The following SPTLC1 variants were observed in gnomAD, a reference collection of about 807,000 sequenced individuals.
The protein encoded by SPTLC1 is serine palmitoyltransferase long chain base subunit 1.
A neutral mutation model predicts 68.9 loss-of-function variants in SPTLC1; 55 were observed. The ratio of observed to expected loss-of-function variants is 0.80; its 90% CI spans 0.64 to 1.00. The LOEUF is 1.00. SPTLC1 is among the 50% of genes least tolerant of loss of function. SPTLC1 has a pLI of 0.00. For missense variants in SPTLC1, 449 were observed against 573.1 expected (o/e 0.78, Z 2.21); for synonymous variants, 197 against 201.6 (o/e 0.98, Z 0.19).
At chr9:92,038,148 CA>C in intron 13 of SPTLC1, 99 bp downstream of exon 13, 2 of 844,772 alleles carry the variant, frequency 2.4e-6, no homozygotes, top group Non-Finnish European at 4.2e-6. Context: ...TCTTCTCTCT[CA>C]GGGCAAAGAG....
At chr9:92,063,867 TA>T (rs1834188574) in intron 6 of SPTLC1, among the ~76,000 whole-genome samples, 1 of 152,120 alleles carries the variant, frequency 6.6e-6, no homozygotes, top group African/African-American at 2.4e-5. Flanking sequence ...GTGAATGTAA[TA>T]AAGAGCATCT....
intron 14 of SPTLC1, among the ~76,000 whole-genome samples, 181 bp from the exon 15 acceptor site, chr9:92,032,739 G>A (rs1334955206): frequency 6.6e-6 from 1 of 152,036 alleles, no homozygotes; most frequent in African/African-American, 2.4e-5. Context: ...TAGCCAGTGT[G>A]GTGGCGGGTG....
intron 3 of SPTLC1, among the ~76,000 whole-genome samples, chr9:92,089,950 A>G (rs1439739896): frequency 1.3e-5 from 2 of 152,228 alleles, no homozygotes; most frequent in East Asian, 3.8e-4. Context: ...AGGGCAAATA[A>G]TGATCCACTT....
intron 5 of SPTLC1, among the ~76,000 whole-genome samples, chr9:92,073,833 T>C (rs1834582242): frequency 1.3e-5 from 2 of 152,182 alleles, no homozygotes; most frequent in Admixed American, 1.3e-4. Context: ...CAGCACCGCC[T>C]ACCTGCAAAA....
At chr9:92,099,908 T>C (rs143503787) in intron 3 of SPTLC1, among the ~76,000 whole-genome samples, 2 of 152,278 alleles carry the variant, frequency 1.3e-5, no homozygotes, top group African/African-American at 2.4e-5. Flanking sequence ...GGCTATACCA[T>C]ATAGTCTAGG....
At chr9:92,037,385 T>C (rs985653228) in intron 13 of SPTLC1, among the ~76,000 whole-genome samples, 1 of 152,196 alleles carries the variant, frequency 6.6e-6, no homozygotes, top group Non-Finnish European at 1.5e-5. Flanking sequence ...ACTAGGTATA[T>C]GTCAGATTCT....
chr9:92,037,340 A>C (rs1833175589), intron 13 of SPTLC1, among the ~76,000 whole-genome samples: 1 of 152,222 alleles, frequency 6.6e-6, no homozygotes, highest in South Asian at 2.1e-4. Context: ...TGGACAAGGA[A>C]GCAGAATCAT....
intron 12 of SPTLC1, among the ~76,000 whole-genome samples, chr9:92,038,731 A>G (rs1013329771): frequency 2.6e-5 from 4 of 152,150 alleles, no homozygotes; most frequent in Non-Finnish European, 5.9e-5. Context: ...TGTTGGCTGC[A>G]TGTGCCAGGG....
chr9:92,073,936 C>T (rs560222469), intron 5 of SPTLC1, among the ~76,000 whole-genome samples: 4 of 152,350 alleles, frequency 2.6e-5, no homozygotes, highest in South Asian at 2.1e-4. Context: ...GGAATGCCCA[C>T]GGCCCGGGAT....
chr9:92,084,167 T>C (rs1211479427), intron 3 of SPTLC1, among the ~76,000 whole-genome samples: 1 of 151,444 alleles, frequency 6.6e-6, no homozygotes, highest in Non-Finnish European at 1.5e-5. Context: ...TTTCTAGATA[T>C]ACAATCATGT....
intron 3 of SPTLC1, among the ~76,000 whole-genome samples, chr9:92,084,715 G>A (rs1403487259): frequency 6.6e-6 from 1 of 151,770 alleles, no homozygotes; most frequent in Non-Finnish European, 1.5e-5. Flanking sequence ...TTTTGGTTGT[G>A]TCTCTGCCCA....
chr9:92,115,057 C>A, intron 1 of SPTLC1: 1 of 569,060 alleles, frequency 1.8e-6, no homozygotes, highest in Non-Finnish European at 3.2e-6. Context: ...ACACGTGTTC[C>A]TTTCCGGAGC....
intron 3 of SPTLC1, among the ~76,000 whole-genome samples, chr9:92,106,537 T>C (rs1421121088): frequency 6.6e-6 from 1 of 150,612 alleles, no homozygotes; most frequent in African/African-American, 2.4e-5. Flanking sequence ...GCCCCTGCTG[T>C]CTCCACACCT....
intron 5 of SPTLC1, among the ~76,000 whole-genome samples, chr9:92,074,771 A>T (rs113232458): frequency 1.3e-5 from 2 of 151,908 alleles, no homozygotes; most frequent in Non-Finnish European, 2.9e-5. Context: ...CATCAATCAG[A>T]TTGTCCTCCC....
At chr9:92,058,996 A>G (rs1833992637) in intron 7 of SPTLC1, among the ~76,000 whole-genome samples, 183 bp downstream of exon 7, 1 of 152,222 alleles carries the variant, frequency 6.6e-6, no homozygotes, top group African/African-American at 2.4e-5. Flanking sequence ...TAATTACGGC[A>G]ATGACAAGGC....
At chr9:92,078,875 A>G (rs1021542292) in intron 5 of SPTLC1, among the ~76,000 whole-genome samples, 13 of 152,236 alleles carry the variant, frequency 8.5e-5, no homozygotes, top group Non-Finnish European at 1.6e-4. Context: ...AAACTAGCTT[A>G]GGGATAACAT....
intron 8 of SPTLC1, among the ~76,000 whole-genome samples, chr9:92,054,638 G>A (rs890575595): frequency 3.3e-5 from 5 of 152,264 alleles, no homozygotes; most frequent in African/African-American, 1.2e-4. Context: ...ACGTATGGCC[G>A]ACTCAGTGGC....
chr9:92,113,024 T>C (rs1251069176), intron 1 of SPTLC1, among the ~76,000 whole-genome samples: 2 of 152,044 alleles, frequency 1.3e-5, no homozygotes, highest in African/African-American at 4.8e-5. Context: ...GGAGAATCGC[T>C]TGAACCCAGG....
chr9:92,066,830 A>C (rs1404494707), intron 6 of SPTLC1, among the ~76,000 whole-genome samples: 1 of 151,530 alleles, frequency 6.6e-6, no homozygotes, highest in African/African-American at 2.4e-5. Context: ...AATACAAAAA[A>C]TTAGCTAGGT....
Sources: allele counts gnomAD v4.1 joint callset (sites outside exome capture counted in the v4.1 genomes callset), GRCh38; gene constraint gnomAD v4.1.1; transcripts MANE v1.5; gene names NCBI Gene and HGNC (gene_info 2026-07-23, HGNC 2026-07-21).